Variants in SREBF1 observed in about 807,000 individuals in gnomAD.
SREBF1 encodes sterol regulatory element binding transcription factor 1.
Under a neutral mutation model 100.1 loss-of-function variants are expected in SREBF1, and 45 were observed. The ratio of observed to expected loss-of-function variants is 0.45; its 90% CI spans 0.35 to 0.58. The LOEUF (loss-of-function observed/expected upper bound fraction) is 0.58, where lower values mean the gene tolerates loss of function less well. Among genes scored for constraint, SREBF1 ranks in the 20% least tolerant of loss-of-function variants. SREBF1 has a pLI of 0.00. For synonymous variants in SREBF1, 657 were observed against 681.8 expected, an observed-to-expected ratio of 0.96 and a Z score of 0.57; for missense variants, 1,324 against 1,539.4, an observed-to-expected ratio of 0.86 and a Z score of 2.34.
intron 1 of SREBF1, among the ~76,000 whole-genome samples, chr17:17,834,954 C>T (rs1406273445): frequency 6.6e-6 from 1 of 152,130 alleles, no homozygotes; most frequent in Admixed American, 6.5e-5. Context: ...GAGGAGCTTG[C>T]AGTGAGCCAA....
Position 17,836,717 on chromosome 17 carries a change from C to A in SREBF1, c.91+10G>T. Reference sequence around the variant, plus strand: ...CGGCGCAGCTTCAAGCCCTGCCCGCCCTGACGCACCTTCGATGTCGGTCAG... The same window carrying A: ...CGGCGCAGCTTCAAGCCCTGCCCGCACTGACGCACCTTCGATGTCGGTCAG... On this transcript the variant is annotated intron_variant, in intron 1 of 18. Transcript: ENST00000261646. 1 of 1,560,464 alleles carries A rather than the reference C, an allele frequency of 6.4e-7. No homozygotes were observed. The highest frequency in any genetic ancestry group is 8.6e-7 in the Non-Finnish European group (1 of 1,160,382).
rs562525105 is a variant in SREBF1 at position 17,834,831 on chromosome 17, A to G, written c.91+1896T>C. On this transcript the variant is annotated intron_variant, in intron 1 of 18. Coordinates refer to ENST00000261646, the MANE Select transcript of SREBF1 (RefSeq NM_004176.5). ...AGATCGAGACCATCCTGGCTAGCAC[A>G]GTGAAACCCCGTCTCTACTAAAAAT... is the stretch of plus-strand genomic sequence containing the variant. 1.4e-3 allele frequency among the ~76,000 whole-genome samples: 215 copies of G among 152,270 alleles called. 1 individual carries two copies. The highest frequency in any genetic ancestry group is 4.8e-3 in the African/African-American group (201 of 41,556).
In SREBF1 at chr17:17,824,911, G is replaced by A. The variant is rs1408052735; in HGVS notation, c.92-4390C>T. Among the ~76,000 whole-genome samples the A allele has an allele frequency of 1.3e-5, 2 of 152,162 alleles. No individual in the cohort carries two copies. The highest frequency in any genetic ancestry group is 4.8e-5 in the African/African-American group (2 of 41,442). The stretch of plus-strand genomic sequence containing the variant: ...GGCCCTTATTTCCCAGCTTTGGGAG[G>A]TTCAAGGACAACAGACGGCCTCTCT... On this transcript the variant is annotated intron_variant, in intron 1 of 18. Coordinates refer to ENST00000261646, the MANE Select transcript of SREBF1 (RefSeq NM_004176.5). The surrounding 1 kb of genome is among the most constrained non-coding windows in gnomAD (Gnocchi z 4.2).
intron 1 of SREBF1, among the ~76,000 whole-genome samples, chr17:17,833,505 G>A (rs542188127): frequency 6.9e-6 from 1 of 145,756 alleles, no homozygotes; most frequent in South Asian, 2.2e-4. Flanking sequence ...ACAGCTGCCC[G>A]GGGCTGGGAG....
chr17:17,819,634 G>A lies in SREBF1; in HGVS notation c.615C>T (p.Val205=). ...GVPPVSLHTQ[V]QSVVPQQLLT... ...GTAGCTGCTGGGGGACCACACTCTG[G>A]ACCTGGGTGTGCAAGGAGACGGGCG... is the stretch of plus-strand genomic sequence containing the variant. Residue 205 remains valine, a synonymous_variant, in exon 3 of 19, where the codon GTC becomes GTT. Coordinates refer to ENST00000261646, the MANE Select transcript of SREBF1 (RefSeq NM_004176.5). 1 of 1,612,960 alleles carries A rather than the reference G, an allele frequency of 6.2e-7. No homozygotes were observed. Among genetic ancestry groups the A allele is most frequent in the Non-Finnish European group, 8.5e-7 (1 of 1,179,368 alleles).
chr17:17,812,194 A>C lies in SREBF1; in HGVS notation c.*428T>G. The C allele has an allele frequency of 2.4e-6, 1 of 419,940 alleles. No homozygotes were observed. Among genetic ancestry groups the C allele is most frequent in the East Asian group, 7.0e-5 (1 of 14,372 alleles). 26.0% of individuals were successfully genotyped at this position (419,940 alleles called of 1,614,324 possible). On this transcript the variant is annotated 3_prime_UTR_variant, in exon 19 of 19. Coordinates refer to ENST00000261646, the MANE Select transcript of SREBF1 (RefSeq NM_004176.5). ...GTCAGGAGGCTAAGCACGCTGACCTACACTATGTACACGTCTCTCTCCCAC... is the reference window on the plus strand; with the variant it reads ...GTCAGGAGGCTAAGCACGCTGACCTCCACTATGTACACGTCTCTCTCCCAC...
Position 17,817,811 on chromosome 17 carries a change from GA to G in SREBF1, c.1288del (p.Ser430ArgfsTer268). ...EVEDTLTPPP[S>X]DAGSPFQSSP... ...GCTCTGGAAAGGTGAGCCAGCATCCGAGGGGGGTGGGGTCAGTGTGTCCTCC... is the reference window on the plus strand; with the variant it reads ...GCTCTGGAAAGGTGAGCCAGCATCCGGGGGGGTGGGGTCAGTGTGTCCTCC... On this transcript the variant is annotated frameshift_variant, in exon 7 of 19. Coordinates refer to ENST00000261646, the MANE Select transcript of SREBF1 (RefSeq NM_004176.5). LOFTEE classifies it high-confidence loss of function. This position sits in a 1 kb window ranked among gnomAD's most constrained non-coding sequence, Gnocchi z 6.6. 3 of 1,612,914 alleles carry G rather than the reference GA, an allele frequency of 1.9e-6. No homozygotes were observed. The highest frequency in any genetic ancestry group is 1.7e-6 in the Non-Finnish European group (2 of 1,180,020).
intron 6 of SREBF1, 128 bp downstream of exon 6, chr17:17,818,132 G>C (rs1336912075): frequency 2.5e-6 from 2 of 812,200 alleles, no homozygotes; most frequent in Non-Finnish European, 2.0e-6. Flanking sequence ...ACAGCCAAGG[G>C]TGAGGTGGGC....
At chr17:17,825,037 A>G (rs574953275) in intron 1 of SREBF1, among the ~76,000 whole-genome samples, 38 of 152,298 alleles carry the variant, frequency 2.5e-4, no homozygotes, top group Admixed American at 2.4e-3. Context: ...GTGACTTAAG[A>G]CAGGGAAGCG....
intron 13 of SREBF1, 70 bp downstream of exon 13, chr17:17,815,151 T>C (rs1415741373): frequency 2.7e-6 from 4 of 1,458,100 alleles, no homozygotes; most frequent in East Asian, 4.5e-5. Flanking sequence ...CTCCACAGGG[T>C]TGAGGCCAGA....
chr17:17,812,778 G>GT lies in SREBF1; in HGVS notation c.3287dup (p.Tyr1096Ter). 6.5e-7 allele frequency: 1 copy of GT among 1,528,430 alleles called. No homozygotes were observed. Among genetic ancestry groups the GT allele is most frequent in the Non-Finnish European group, 8.8e-7 (1 of 1,138,182 alleles). The allele number at this position is 1,528,430 out of a possible 1,614,324, so 94.7% of individuals were successfully genotyped here. A position where few individuals can be genotyped will look rare whatever the true frequency, so the allele number is the denominator to read the frequency against. The change falls in exon 19 of 19, where the codon TAC becomes TAAC. Residue 1096 changes from tyrosine to a stop codon, truncating the protein, a stop_gained and frameshift_variant. Coordinates refer to ENST00000261646, the MANE Select transcript of SREBF1 (RefSeq NM_004176.5). LOFTEE classifies it high-confidence loss of function. ...GCGCCGACAGGAAGCCGGGGGGCAG[G>GT]TAGCAGGAGGCCAGCAGCAAGGCCT... Reference protein sequence around the residue: ...HAEALLLASCYLPPGFLSAPG... With the variant: ...HAEALLLASC
At chr17:17,832,592 C>T (rs905871554) in intron 1 of SREBF1, among the ~76,000 whole-genome samples, 9 of 152,342 alleles carry the variant, frequency 5.9e-5, no homozygotes, top group Non-Finnish European at 5.9e-5. Flanking sequence ...CTCCCAGAAC[C>T]TCATCCTAGG....
chr17:17,817,945 G>GTCTT lies in SREBF1; in HGVS notation c.1184-30_1184-29insAAGA. ...TGGGCCGAAAGGAACAGAGCCAGGA[G>GTCTT]TAAAGGCTGGATATGTGACCCCAAA... On this transcript the variant is annotated intron_variant, in intron 6 of 18. Transcript: ENST00000261646. This position sits in a 1 kb window ranked among gnomAD's most constrained non-coding sequence, Gnocchi z 6.6. The GTCTT allele has an allele frequency of 6.3e-7, 1 of 1,595,578 alleles. No homozygotes were observed.
intron 9 of SREBF1, 98 bp from the exon 10 acceptor site, chr17:17,816,816 G>A (rs1252160568): frequency 1.3e-6 from 2 of 1,576,778 alleles, no homozygotes; most frequent in Middle Eastern, 2.1e-4. Flanking sequence ...GGGGTGGTGG[G>A]GGTCTGCGGA....
At chr17:17,827,143 G>A (rs1315482009) in intron 1 of SREBF1, among the ~76,000 whole-genome samples, 2 of 152,200 alleles carry the variant, frequency 1.3e-5, no homozygotes, top group African/African-American at 2.4e-5. Flanking sequence ...AGTGGGCGTG[G>A]GCAGGATAGG....
Position 17,812,669 on chromosome 17 carries a change from G to GCTGA in SREBF1, c.3393_3396dup (p.Gln1133SerfsTer44). The GCTGA allele has an allele frequency of 6.2e-7, 1 of 1,608,796 alleles. No homozygotes were observed. Among genetic ancestry groups the GCTGA allele is most frequent in the African/African-American group, 1.3e-5 (1 of 74,992 alleles). On this transcript the variant is annotated frameshift_variant, in exon 19 of 19. Coordinates refer to ENST00000261646, the MANE Select transcript of SREBF1 (RefSeq NM_004176.5). LOFTEE classifies it high-confidence loss of function. The stretch of plus-strand genomic sequence containing the variant: ...CCACCGCCCAGGCGCATGAGCATCT[G>GCTGA]CTGACAGTCGTGCAGCAGCCGGCGA...
rs751046860 is a variant in SREBF1 at position 17,817,681 on chromosome 17, G to A, written c.1404+15C>T. ...GGCTGGGAGTGGGGAAGGGGGCACC[G>A]TGGCAGGGCCCAACCTTGCTGTCCT... On this transcript the variant is annotated intron_variant, in intron 7 of 18. Coordinates refer to ENST00000261646, the MANE Select transcript of SREBF1 (RefSeq NM_004176.5). This position sits in a 1 kb window ranked among gnomAD's most constrained non-coding sequence, Gnocchi z 6.6. 9.4e-5 allele frequency: 152 copies of A among 1,612,606 alleles called. No individual in the cohort carries two copies. The highest frequency in any genetic ancestry group is 1.3e-4 in the Non-Finnish European group (148 of 1,179,756).
In SREBF1 at chr17:17,812,805, C is replaced by G. The variant is rs764393395; in HGVS notation, c.3261G>C (p.Ala1087=). The G allele has an allele frequency of 6.0e-6, 9 of 1,506,648 alleles. No homozygotes were observed. The Admixed American group carries it at 1.1e-4, about 18-fold the overall frequency. The allele number at this position is 1,506,648 out of a possible 1,614,324, so 93.3% of individuals were successfully genotyped here. ...AGCAGGAGGCCAGCAGCAAGGCCTC[C>G]GCGTGCTCCCGCCGCGTGGGCCGCG... ...LEPRPTRREH[A]EALLLASCYL... is the part of the protein sequence containing the mutation. Residue 1087 remains alanine (A), a synonymous_variant, in exon 19 of 19, where the codon GCG becomes GCC. Coordinates refer to ENST00000261646, the MANE Select transcript of SREBF1 (RefSeq NM_004176.5).
rs768625249 is a variant in SREBF1, at chr17:17,817,208, C to T, written c.1606+48G>A. The T allele has an allele frequency of 1.1e-5, 18 of 1,610,156 alleles. No homozygotes were observed. The highest frequency in any genetic ancestry group is 1.5e-5 in the Non-Finnish European group (18 of 1,178,598). ...AGCCCCAAGTTCACAAGCCTGGGGG[C>T]TCACCCCGAGTGTCCCTCCCAAAGA... On this transcript the variant is annotated intron_variant, in intron 8 of 18. Transcript: ENST00000261646. This position sits in a 1 kb window ranked among gnomAD's most constrained non-coding sequence, Gnocchi z 6.6.
Sources: gnomAD v4.1 joint callset for allele counts (sites outside exome capture counted in the v4.1 genomes callset) on GRCh38, gnomAD v4.1.1 for gene constraint, Gnocchi (gnomAD v3.1) non-coding constraint, MANE v1.5 for transcripts, NCBI Gene and HGNC (gene_info 2026-07-23, HGNC 2026-07-21) for gene names.